FAM228B: variants seen among roughly 807,000 people sequenced by gnomAD.
FAM228B encodes the protein protein FAM228B.
FAM228B carries 38 observed loss-of-function variants against 42.6 expected under a neutral mutation model. That is an observed-to-expected ratio of 0.89 (90% CI 0.69 to 1.17). The LOEUF (loss-of-function observed/expected upper bound fraction) is 1.17, where lower values mean the gene tolerates loss of function less well. FAM228B is among the 50% of genes most tolerant of loss of function. FAM228B has a pLI of 0.00. For synonymous variants in FAM228B, 109 were observed against 122.3 expected (o/e 0.89, Z 0.72); for missense variants, 344 against 367.3 (o/e 0.94, Z 0.52).
intron 7 of FAM228B, among the ~76,000 whole-genome samples, chr2:24,158,196 C>CTTTTTTTTTTTTGT (rs1667199948): frequency 1.9e-5 from 1 of 53,200 alleles, no homozygotes. Context: ...TCTGAACCTC[C>CTTTTTTTTTTTTGT]TTTTTTTTTT....
At chr2:24,090,655 A>C (rs926563925) in intron 2 of FAM228B, among the ~76,000 whole-genome samples, 175 of 152,252 alleles carry the variant, frequency 1.1e-3, no homozygotes, top group African/African-American at 3.8e-3. Flanking sequence ...CTATCAATAC[A>C]ACCCCAAAAC....
upstream of FAM228B, chr2:24,119,441 A>C: frequency 1.6e-6 from 1 of 617,568 alleles, no homozygotes; most frequent in African/African-American, 1.8e-5. Flanking sequence ...TCCAGTGGCT[A>C]TGTAAATAAC....
chr2:24,124,322 A>AT lies in FAM228B; in HGVS notation c.-32-3dup. On this transcript the variant is annotated splice_polypyrimidine_tract_variant and splice_region_variant and intron_variant, in intron 1 of 10. Coordinates refer to ENST00000615575, the MANE Select transcript of FAM228B (RefSeq NM_001145710.2). ...GAAATGTTCAATACTAAATAAGATG[A>AT]TTTTTAGTTTTTCCAGGGGCATTGT... The AT allele has an allele frequency of 1.5e-6, 2 of 1,318,174 alleles. No homozygotes were observed. Among genetic ancestry groups the AT allele is most frequent in the Non-Finnish European group, 2.1e-6 (2 of 945,286 alleles). 81.7% of individuals were successfully genotyped at this position (1,318,174 alleles called of 1,614,324 possible). A position where few individuals can be genotyped will look rare whatever the true frequency, so the allele number is the denominator to read the frequency against.
chr2:24,146,449 A>G (rs1308321439), intron 5 of FAM228B, among the ~76,000 whole-genome samples: 3 of 152,180 alleles, frequency 2.0e-5, no homozygotes, highest in Non-Finnish European at 1.5e-5. Flanking sequence ...TGGGAAAGGA[A>G]TTTTTAAAAT....
Position 24,158,268 on chromosome 2 carries a change from G to C in FAM228B, c.687-3238G>C, listed in dbSNP as rs1274154205. 2.5e-5 allele frequency among the ~76,000 whole-genome samples: 3 copies of C among 121,868 alleles called. No homozygotes were observed. The East Asian group carries it at 8.2e-4, about 33-fold the overall frequency. The allele number at this position is 121,868 out of a possible 152,430, so 80.0% of individuals were successfully genotyped here. On this transcript the variant is annotated intron_variant, in intron 7 of 10. Transcript: ENST00000615575. ...AATGCCGCTTTAAAACTTCCTCTCT[G>C]AAGTCATTCCAGGTGGTCACCTCCT...
chr2:24,166,617 C>T (rs1388387407), intron 9 of FAM228B: 1 of 150,934 alleles, frequency 6.6e-6, no homozygotes, highest in East Asian at 1.9e-4. Flanking sequence ...CTGGAGCTTA[C>T]ATTTTGATGG....
At chr2:24,083,231 T>G (rs1665096339) in intron 2 of FAM228B, 1 of 1,459,324 alleles carries the variant, frequency 6.9e-7, no homozygotes, top group Non-Finnish European at 9.1e-7. Flanking sequence ...CCTTCCAAGA[T>G]CCCCTCTTTT....
chr2:24,145,763 G>A (rs998468364), intron 5 of FAM228B, among the ~76,000 whole-genome samples: 1 of 139,934 alleles, frequency 7.1e-6, no homozygotes, highest in Non-Finnish European at 1.5e-5. Flanking sequence ...GGAGTGCAGT[G>A]TCGCAAGCTC....
At chr2:24,166,701 G>GTC (rs1667423738) in intron 9 of FAM228B, 4 of 152,166 alleles carry the variant, frequency 2.6e-5, no homozygotes, top group Non-Finnish European at 5.9e-5. Context: ...AAAGCAGGTA[G>GTC]AGGGGGTGGG....
upstream of FAM228B, chr2:24,121,306 G>T (rs762616878): frequency 3.7e-6 from 6 of 1,613,986 alleles, no homozygotes; most frequent in African/African-American, 8.0e-5. Flanking sequence ...GTTACCTGGA[G>T]AGGTTACATG....
At chr2:24,123,423 C>T (rs1666191851), upstream of FAM228B, 1 of 152,322 alleles carries the variant, frequency 6.6e-6, no homozygotes, top group African/African-American at 2.4e-5. Flanking sequence ...CGCCCAATCC[C>T]CTTTGGGCCT....
intron 2 of FAM228B, among the ~76,000 whole-genome samples, chr2:24,131,364 G>C (rs1666449761): frequency 6.6e-6 from 1 of 152,172 alleles, no homozygotes; most frequent in Non-Finnish European, 1.5e-5. Context: ...ATTCTATGAA[G>C]AATGTCAATG....
chr2:24,137,887 C>T (rs184643434), intron 3 of FAM228B, 22 bp from the exon 4 acceptor site: 7 of 1,478,882 alleles, frequency 4.7e-6, no homozygotes, highest in African/African-American at 2.9e-5. Flanking sequence ...ATATATTTGT[C>T]TTTTCTACCA....
chr2:24,104,700 G>A (rs1292403893), intron 3 of FAM228B, among the ~76,000 whole-genome samples: 2 of 152,226 alleles, frequency 1.3e-5, no homozygotes, highest in South Asian at 2.1e-4. Flanking sequence ...GGTAACAACT[G>A]CTAGAGCTCC....
chr2:24,147,200 T>C, intron 7 of FAM228B, 114 bp downstream of exon 7: 2 of 762,230 alleles, frequency 2.6e-6, no homozygotes, highest in Non-Finnish European at 3.9e-6. Flanking sequence ...TTCTTTTTTT[T>C]TGAGACAGAG....
chr2:24,096,175 G>T (rs1305755672), intron 3 of FAM228B: 1 of 152,220 alleles, frequency 6.6e-6, no homozygotes. Context: ...AAGATGGGGA[G>T]AAACCAGAGC....
At chr2:24,142,458 A>G (rs1216726490) in intron 5 of FAM228B, 1 of 152,182 alleles carries the variant, frequency 6.6e-6, no homozygotes, top group African/African-American at 2.4e-5. Context: ...TATTAACTTT[A>G]CTAAGTCTTG....
chr2:24,103,958 G>A (rs942713886), intron 3 of FAM228B, among the ~76,000 whole-genome samples: 4 of 152,208 alleles, frequency 2.6e-5, no homozygotes, highest in Admixed American at 2.6e-4. Flanking sequence ...ATGAATTGGG[G>A]GTGGGGCCGA....
chr2:24,136,399 T>A (rs1005603727), intron 3 of FAM228B, among the ~76,000 whole-genome samples: 1 of 152,202 alleles, frequency 6.6e-6, no homozygotes, highest in Non-Finnish European at 1.5e-5. Flanking sequence ...AACTTTTGTA[T>A]TTTTAGTAGA....
Sources: gnomAD v4.1 joint callset for allele counts (sites outside exome capture counted in the v4.1 genomes callset) on GRCh38, gnomAD v4.1.1 for gene constraint, MANE v1.5 for transcripts, NCBI Gene and HGNC (gene_info 2026-07-23, HGNC 2026-07-21) for gene names.